Variants in SRPRA observed in about 807,000 individuals in gnomAD.
SRPRA encodes signal recognition particle receptor subunit alpha.
A neutral mutation model predicts 61.1 loss-of-function variants in SRPRA; 30 were observed. That is an observed-to-expected ratio of 0.49 (90% CI 0.37 to 0.67). The LOEUF is 0.67. Ranked by LOEUF, SRPRA falls within the 30% of genes least tolerant of loss-of-function variation. The probability of loss-of-function intolerance (pLI) is 0.00; values close to 1 mark genes in which losing one functional copy is unlikely to be tolerated. For missense variants in SRPRA, 759 were observed against 828.4 expected (o/e 0.92, Z 1.03); for synonymous variants, 324 against 299.7 (o/e 1.08, Z -0.84).
At chr11:126,240,771 T>C in the SRPRA span, 2 of 1,588,500 alleles carry the variant, frequency 1.3e-6, no homozygotes, top group Non-Finnish European at 8.6e-7. Context: ...TCCAATCCTC[T>C]CATTTGTTTT....
chr11:126,249,486 A>G, the SRPRA span, among the ~76,000 whole-genome samples: 1 of 101,296 alleles, frequency 9.9e-6, no homozygotes, highest in Admixed American at 8.8e-5. Flanking sequence ...TAATCCCAGC[A>G]CTTTGGGAGG....
chr11:126,247,311 A>G, the SRPRA span, among the ~76,000 whole-genome samples: 1 of 152,112 alleles, frequency 6.6e-6, no homozygotes, highest in East Asian at 1.9e-4. Flanking sequence ...ACAAACTTCC[A>G]TTTTGAATCT....
downstream of SRPRA, chr11:126,262,336 AG>A: frequency 2.2e-6 from 1 of 450,126 alleles, no homozygotes; most frequent in Non-Finnish European, 4.1e-6. Context: ...CGCCTGTTCA[AG>A]TTCAAGAATA....
At chr11:126,257,062 T>C in the SRPRA span, among the ~76,000 whole-genome samples, 8 of 152,332 alleles carry the variant, frequency 5.3e-5, no homozygotes, top group Non-Finnish European at 4.4e-5. Context: ...CAGTTCAATA[T>C]AGACATAGGA....
chr11:126,250,630 A>G, the SRPRA span: 4 of 1,614,058 alleles, frequency 2.5e-6, no homozygotes, highest in South Asian at 1.1e-5. This position sits in a 1 kb window ranked among gnomAD's most constrained non-coding sequence, Gnocchi z 5.1. Context: ...CTGATGGAAA[A>G]TGGAGCCCTC....
rs1950739013 is a variant in SRPRA at position 126,263,216 on chromosome 11, C to T, written c.*700G>A. ...CTCCCAGGAAGGGGAACATGCAGAG[C>T]TTACTTCTGGATTCTGGGAGTGGGA... On this transcript the variant is annotated 3_prime_UTR_variant, in exon 14 of 14. Transcript: ENST00000332118. The T allele has an allele frequency of 1.3e-5, 2 of 152,382 alleles. No individual in the cohort carries two copies. The highest frequency in any genetic ancestry group is 4.8e-5 in the African/African-American group (2 of 41,464). 9.4% of individuals were successfully genotyped at this position (152,382 alleles called of 1,614,324 possible). A position where few individuals can be genotyped will look rare whatever the true frequency, so the allele number is the denominator to read the frequency against.
rs377196682 is a variant in SRPRA, at chr11:126,268,072, G to C, written c.132C>G (p.Asn44Lys). The C allele has an allele frequency of 6.2e-7, 1 of 1,614,044 alleles. No homozygotes were observed. The highest frequency in any genetic ancestry group is 8.5e-7 in the Non-Finnish European group (1 of 1,179,994). ...RSVLLQERGG[N>K]NSFTHEALTL... ...TGAGTGCCTCATGGGTGAAGGAGTT[G>C]TTACCTCCCCGTTCCTGGAGAAAGA... is the stretch of plus-strand genomic sequence containing the variant. Residue 44 changes from asparagine to lysine, a missense_variant, in exon 2 of 14, where the codon AAC becomes AAG. Around this residue, in one of 2 missense-constraint regions of SRPRA, gnomAD observed 475 missense variants for 462.5 expected, o/e 1.03. Transcript: ENST00000332118.
chr11:126,236,328 T>C, the SRPRA span, among the ~76,000 whole-genome samples: 1 of 152,370 alleles, frequency 6.6e-6, no homozygotes, highest in South Asian at 2.1e-4. Flanking sequence ...TTACATTCAT[T>C]TGATGGTTTG....
the SRPRA span, among the ~76,000 whole-genome samples, chr11:126,237,062 G>A: frequency 4.7e-5 from 7 of 148,860 alleles, no homozygotes; most frequent in South Asian, 2.2e-4. Context: ...GACTACAGGC[G>A]CCCGCCACCA....
At chr11:126,248,677 G>A in the SRPRA span, among the ~76,000 whole-genome samples, 694 of 152,112 alleles carry the variant, frequency 4.6e-3, 4 homozygotes, top group African/African-American at 0.015. Context: ...GCCCAGACTC[G>A]CTTTTATAAC....
At chr11:126,256,533 C>T in the SRPRA span, 2 of 1,600,756 alleles carry the variant, frequency 1.2e-6, no homozygotes, top group Non-Finnish European at 8.5e-7. This position sits in a 1 kb window ranked among gnomAD's most constrained non-coding sequence, Gnocchi z 6.6. Flanking sequence ...AGTGTGTCTT[C>T]ACAATGTCAA....
chr11:126,262,847 A>G (rs538915712), downstream of SRPRA: 10 of 152,736 alleles, frequency 6.5e-5, no homozygotes, highest in African/African-American at 2.4e-4. Flanking sequence ...TGTTGTCCTG[A>G]CCATACATAT....
rs772754036 is a variant in SRPRA, at chr11:126,266,861, C to T, written c.588G>A (p.Val196=). 1 of 1,614,200 alleles carries T rather than the reference C, an allele frequency of 6.2e-7. No homozygotes were observed. Among genetic ancestry groups the T allele is most frequent in the Non-Finnish European group, 8.5e-7 (1 of 1,180,028 alleles). The change falls in exon 5 of 14, where the codon GTG becomes GTA. Residue 196 remains valine, a synonymous_variant. Transcript: ENST00000332118. ...PVPAEKSGLP[V]GPENGVELSK... ...AAAGTTCTACTCCGTTCTCAGGACC[C>T]ACTGGAAGACCTGACTTTTCTGCAG...
the SRPRA span, among the ~76,000 whole-genome samples, chr11:126,237,068 C>G: frequency 7.3e-6 from 1 of 137,732 alleles, no homozygotes; most frequent in African/African-American, 2.7e-5. Context: ...AGGCGCCCGC[C>G]ACCATGCCCG....
At chr11:126,249,649 T>C in the SRPRA span, among the ~76,000 whole-genome samples, 2 of 145,620 alleles carry the variant, frequency 1.4e-5, no homozygotes, top group Middle Eastern at 3.8e-3. Flanking sequence ...GAGAATTGCT[T>C]GAACCTGGCG....
the SRPRA span, among the ~76,000 whole-genome samples, chr11:126,251,973 C>CCTTTT: frequency 6.6e-6 from 1 of 151,154 alleles, no homozygotes; most frequent in South Asian, 2.1e-4. Context: ...TGTGCCTGGC[C>CCTTTT]GTTTTGTTTT....
At chr11:126,243,569 A>C in the SRPRA span, among the ~76,000 whole-genome samples, 1 of 152,128 alleles carries the variant, frequency 6.6e-6, no homozygotes, top group East Asian at 1.9e-4. Flanking sequence ...AGTACCCATG[A>C]GGAAGTCAGA....
At chr11:126,240,698 G>A in the SRPRA span, 2 of 1,318,176 alleles carry the variant, frequency 1.5e-6, no homozygotes, top group Non-Finnish European at 2.1e-6. Flanking sequence ...AACTATAAAA[G>A]TTAGCTAAAA....
At chr11:126,257,028 G>A in the SRPRA span, among the ~76,000 whole-genome samples, 2 of 152,182 alleles carry the variant, frequency 1.3e-5, no homozygotes, top group East Asian at 3.8e-4. Flanking sequence ...ATTATGGGAA[G>A]ACAGACAAAA....
Sources: gnomAD v4.1 joint callset for allele counts (sites outside exome capture counted in the v4.1 genomes callset) on GRCh38, gnomAD v4.1.1 for gene constraint, gnomAD v4.1.1 regional missense constraint, Gnocchi (gnomAD v3.1) non-coding constraint, MANE v1.5 for transcripts, NCBI Gene and HGNC (gene_info 2026-07-23, HGNC 2026-07-21) for gene names.